The following HIP1R variants were observed in gnomAD, a reference collection of about 807,000 sequenced individuals.
HIP1R encodes the protein huntingtin-interacting protein 1-related protein.
A neutral mutation model predicts 144.2 loss-of-function variants in HIP1R; 135 were observed. The ratio of observed to expected loss-of-function variants is 0.94; its 90% CI spans 0.81 to 1.08. The LOEUF (loss-of-function observed/expected upper bound fraction) is 1.08, where lower values mean the gene tolerates loss of function less well. Ranked by LOEUF, HIP1R falls within the 50% of genes least tolerant of loss-of-function variation. The probability of loss-of-function intolerance (pLI) is 0.00; values close to 1 mark genes in which losing one functional copy is unlikely to be tolerated. For synonymous variants in HIP1R, 698 were observed against 612.8 expected, an observed-to-expected ratio of 1.14 and a Z score of -2.05; for missense variants, 1,462 against 1,432.8, an observed-to-expected ratio of 1.02 and a Z score of -0.33.
At chr12:122,835,080 T>G, upstream of HIP1R, 26 of 1,015,446 alleles carry the variant, frequency 2.6e-5, no homozygotes, top group Non-Finnish European at 3.5e-5. Context: ...GAGGGAGGGG[T>G]TCCCCCTCCC....
At chr12:122,838,611 A>G (rs2032972996) in intron 1 of HIP1R, among the ~76,000 whole-genome samples, 1 of 152,200 alleles carries the variant, frequency 6.6e-6, no homozygotes, top group Non-Finnish European at 1.5e-5. Flanking sequence ...TGTAAGGTGT[A>G]AGAGAGAGAC....
chr12:122,859,645 C>G (rs1413655022), intron 23 of HIP1R, 109 bp downstream of exon 23: 3 of 1,361,720 alleles, frequency 2.2e-6, no homozygotes, highest in Middle Eastern at 3.7e-4. Context: ...AGCCTCCAGA[C>G]AGAGGACAGA....
chr12:122,835,606 G>A lies in HIP1R; in HGVS notation c.56G>A (p.Ser19Asn). 1 of 1,325,410 alleles carries A rather than the reference G, an allele frequency of 7.5e-7. No individual in the cohort carries two copies. The highest frequency in any genetic ancestry group is 9.7e-7 in the Non-Finnish European group (1 of 1,029,662). 82.1% of individuals were successfully genotyped at this position (1,325,410 alleles called of 1,614,324 possible). ...GTGCTGAGCCGCAGGCCGGGCCACA[G>A]CCTGGAGGCCGAGCGCGAGCAGTTC... ...ARVLSRRPGH[S>N]LEAEREQFDK... Residue 19 changes from serine (S) to asparagine (N), a missense_variant, in exon 1 of 32, where the codon AGC becomes AAC. Ser to Asn is a conservative substitution (Grantham distance 46, BLOSUM62 1). Transcript: ENST00000253083.
rs911201854 is a variant in HIP1R at position 122,848,906 on chromosome 12, T to C, written c.357+54T>C. 3.5e-5 allele frequency: 56 copies of C among 1,579,820 alleles called. No homozygotes were observed. The African/African-American group carries it at 6.2e-4, about 17-fold the overall frequency. ...GGCATTCGGGGCTTTCCTGAGCGTG[T>C]GGGGCTGAGCGAAGGGTGGCTCCCT... On this transcript the variant is annotated intron_variant, in intron 4 of 31. Coordinates refer to ENST00000253083, the MANE Select transcript of HIP1R (RefSeq NM_003959.3).
chr12:122,848,401 TCAG>T, intron 2 of HIP1R, 62 bp from the exon 3 acceptor site: 2 of 1,551,702 alleles, frequency 1.3e-6, no homozygotes, highest in Non-Finnish European at 1.7e-6. Flanking sequence ...CTGGCCTCTC[TCAG>T]CCGGGTTTGC....
Position 122,855,246 on chromosome 12 carries a change from C to T in HIP1R, c.853-19C>T. The T allele has an allele frequency of 1.9e-6, 3 of 1,612,410 alleles. No individual in the cohort carries two copies. Among genetic ancestry groups the T allele is most frequent in the East Asian group, 2.2e-5 (1 of 44,856 alleles). On this transcript the variant is annotated intron_variant, in intron 10 of 31. Coordinates refer to ENST00000253083, the MANE Select transcript of HIP1R (RefSeq NM_003959.3). Reference sequence around the variant, plus strand: ...TGCTTAGGGGACAGCTGAGCAGGTCCCACCTGCCGCCCCTGCAGGGACCCC... The same window carrying T: ...TGCTTAGGGGACAGCTGAGCAGGTCTCACCTGCCGCCCCTGCAGGGACCCC...
At chr12:122,846,048 C>T (rs1247451370) in intron 1 of HIP1R, among the ~76,000 whole-genome samples, 1 of 152,214 alleles carries the variant, frequency 6.6e-6, no homozygotes, top group Non-Finnish European at 1.5e-5. Context: ...CCCTTCTTGC[C>T]AGGAATCTTC....
Position 122,835,524 on chromosome 12 carries a change from C to T in HIP1R, c.-27C>T. The T allele has an allele frequency of 1.5e-6, 2 of 1,322,972 alleles. No individual in the cohort carries two copies. Among genetic ancestry groups the T allele is most frequent in the Non-Finnish European group, 1.9e-6 (2 of 1,028,738 alleles). 82.0% of individuals were successfully genotyped at this position (1,322,972 alleles called of 1,614,324 possible). On this transcript the variant is annotated 5_prime_UTR_variant, in exon 1 of 32. Transcript: ENST00000253083. ...AGGCTGTGAGTCGCGCGGACGGAGCCGGACAAAAGCGGGCGGCGGCGGCAG... is the reference window on the plus strand; with the variant it reads ...AGGCTGTGAGTCGCGCGGACGGAGCTGGACAAAAGCGGGCGGCGGCGGCAG...
chr12:122,851,704 G>A (rs1354636811), intron 7 of HIP1R, among the ~76,000 whole-genome samples: 4 of 136,414 alleles, frequency 2.9e-5, no homozygotes, highest in African/African-American at 1.2e-4. Context: ...AAAAGAAAAA[G>A]AAATGCCCCT....
At chr12:122,859,244 G>A (rs753498340) in intron 22 of HIP1R, 47 bp downstream of exon 22, 1 of 1,548,558 alleles carries the variant, frequency 6.5e-7, no homozygotes, top group East Asian at 2.4e-5. Context: ...GCCTGCCTCT[G>A]ACCTCTGCAC....
chr12:122,860,035 T>C lies in HIP1R; in HGVS notation c.2466-12T>C, dbSNP rs773618407. On this transcript the variant is annotated splice_polypyrimidine_tract_variant and intron_variant, in intron 24 of 31. Transcript: ENST00000253083. Reference sequence around the variant, plus strand: ...GCAGAGCGGCAGCTAAGTCTCTCCTTCTCTCCCCCAGGATCCTCAACTCCT... The same window carrying C: ...GCAGAGCGGCAGCTAAGTCTCTCCTCCTCTCCCCCAGGATCCTCAACTCCT... 39 of 1,551,220 alleles carry C rather than the reference T, an allele frequency of 2.5e-5. No homozygotes were observed. Among genetic ancestry groups the C allele is most frequent in the East Asian group, 4.5e-5 (2 of 44,264 alleles).
In HIP1R at chr12:122,860,541, G is replaced by C. The variant is rs775127888; in HGVS notation, c.2660+18G>C. The C allele has an allele frequency of 3.2e-6, 5 of 1,587,032 alleles. No homozygotes were observed. Among genetic ancestry groups the C allele is most frequent in the South Asian group, 2.2e-5 (2 of 90,586 alleles). ...CAGCTGGTGTAGGTTGCCCTGGGTG[G>C]GGGGGGGCAGGGGGCTGCTTCCTGC... On this transcript the variant is annotated intron_variant, in intron 27 of 31. Transcript: ENST00000253083.
At position 122,850,864 on chromosome 12, in the gene HIP1R, G is replaced by A. The variant is rs878871893; in HGVS notation, c.468G>A (p.Val156=). 1.9e-6 allele frequency: 3 copies of A among 1,610,938 alleles called. No homozygotes were observed. Among genetic ancestry groups the A allele is most frequent in the South Asian group, 1.1e-5 (1 of 90,418 alleles). The change falls in exon 6 of 32, where the codon GTG becomes GTA. Residue 156 remains valine (V), a synonymous_variant. Transcript: ENST00000253083. The part of the protein sequence containing the change: ...KHPQFPAGLE[V]TDEVLEKAAG... Reference sequence around the variant, plus strand: ...CCCAGTTTCCCGCGGGCCTGGAGGTGACAGATGAGGTACTGGAGAAGGCAG... The same window carrying A: ...CCCAGTTTCCCGCGGGCCTGGAGGTAACAGATGAGGTACTGGAGAAGGCAG...
chr12:122,860,254 A>AC, intron 26 of HIP1R, 44 bp downstream of exon 26: 1 of 1,533,872 alleles, frequency 6.5e-7, no homozygotes, highest in African/African-American at 1.4e-5. Flanking sequence ...AAGGAGCCTG[A>AC]CCCCCAGCCT....
intron 1 of HIP1R, among the ~76,000 whole-genome samples, chr12:122,841,330 G>C (rs1480301449): frequency 2.6e-5 from 4 of 152,222 alleles, no homozygotes; most frequent in Non-Finnish European, 5.9e-5. Context: ...TGGGGTGGGC[G>C]CATGTGTAGA....
At chr12:122,860,260 A>C (rs757533080) in intron 26 of HIP1R, 50 bp downstream of exon 26, 1 of 1,531,752 alleles carries the variant, frequency 6.5e-7, no homozygotes, top group Non-Finnish European at 8.8e-7. Context: ...CCTGACCCCC[A>C]GCCTAGGCCA....
At chr12:122,843,148 C>T (rs928837860) in intron 1 of HIP1R, among the ~76,000 whole-genome samples, 1 of 152,158 alleles carries the variant, frequency 6.6e-6, no homozygotes, top group Non-Finnish European at 1.5e-5. Context: ...TGTGGTGGGA[C>T]GATAAGGATG....
At chr12:122,849,802 C>A (rs372319692) in intron 4 of HIP1R, 73 bp from the exon 5 acceptor site, 1 of 1,072,954 alleles carries the variant, frequency 9.3e-7, no homozygotes, top group South Asian at 1.3e-5. Flanking sequence ...GGGTCACTCT[C>A]GTGCCCAGGT....
At chr12:122,835,043 T>C (rs1439223416), upstream of HIP1R, 5 of 1,262,790 alleles carry the variant, frequency 4.0e-6, no homozygotes, top group South Asian at 6.2e-5. Context: ...GGGAATTGGC[T>C]GGGGTCCCTA....
Sources: gnomAD v4.1 joint callset for allele counts (sites outside exome capture counted in the v4.1 genomes callset) on GRCh38, gnomAD v4.1.1 for gene constraint, MANE v1.5 for transcripts, NCBI Gene and HGNC (gene_info 2026-07-23, HGNC 2026-07-21) for gene names.